The following MSI2 variants were observed in gnomAD, a reference collection of about 807,000 sequenced individuals.
MSI2 encodes musashi RNA binding protein 2.
A neutral mutation model predicts 45.6 loss-of-function variants in MSI2; 17 were observed. The ratio of observed to expected loss-of-function variants is 0.37; its 90% CI spans 0.26 to 0.56. The LOEUF (loss-of-function observed/expected upper bound fraction) is 0.56, where lower values mean the gene tolerates loss of function less well. Among genes scored for constraint, MSI2 ranks in the 20% least tolerant of loss-of-function variants. MSI2 has a pLI of 0.77. For synonymous variants in MSI2, 156 were observed against 158.2 expected (o/e 0.99, Z 0.11); for missense variants, 293 against 444.2 (o/e 0.66, Z 3.06).
intron 6 of MSI2, among the ~76,000 whole-genome samples, chr17:57,442,429 G>T (rs764343623): frequency 6.6e-6 from 1 of 152,220 alleles, no homozygotes; most frequent in African/African-American, 2.4e-5. Context: ...GTTGCTGTAA[G>T]ATTCAGAACT....
At chr17:57,502,632 T>TAG (rs1567862760) in intron 6 of MSI2, among the ~76,000 whole-genome samples, 2 of 127,612 alleles carry the variant, frequency 1.6e-5, no homozygotes, top group African/African-American at 2.9e-5. Context: ...TATATATATA[T>TAG]ATATAGTCAT....
At chr17:57,288,210 C>A (rs1217330626) in intron 5 of MSI2, among the ~76,000 whole-genome samples, 3 of 152,182 alleles carry the variant, frequency 2.0e-5, no homozygotes, top group Non-Finnish European at 4.4e-5. Flanking sequence ...TGGGAACAGA[C>A]AGAACTTTCT....
intron 5 of MSI2, chr17:57,268,141 C>T (rs933348138): frequency 6.6e-6 from 1 of 152,220 alleles, no homozygotes; most frequent in East Asian, 1.9e-4. Context: ...ACATCTGTTG[C>T]ATGTTGTGCT....
At chr17:57,635,037 A>T (rs1042745175) in intron 10 of MSI2, among the ~76,000 whole-genome samples, 1 of 152,224 alleles carries the variant, frequency 6.6e-6, no homozygotes, top group Non-Finnish European at 1.5e-5. Context: ...TGCTCAGATA[A>T]AAATAAAGGA....
chr17:57,262,258 A>T, intron 5 of MSI2, 66 bp downstream of exon 5: 1 of 1,545,712 alleles, frequency 6.5e-7, no homozygotes, highest in South Asian at 1.1e-5. Context: ...TTCAAATTTC[A>T]AACAGCATTG....
At position 57,258,283 on chromosome 17, in the gene MSI2, G is replaced by C. The variant is rs1907003236; in HGVS notation, c.199G>C (p.Val67Leu). The C allele has an allele frequency of 6.2e-7, 1 of 1,613,930 alleles. No individual in the cohort carries two copies. Among genetic ancestry groups the C allele is most frequent in the Non-Finnish European group, 8.5e-7 (1 of 1,180,000 alleles). Residue 67 changes from valine to leucine, a missense_variant, in exon 4 of 14, where the codon GTC becomes CTC. Transcript: ENST00000284073. Reference protein sequence around the residue: ...TTKRSRGFGFVTFADPASVDK... With the variant: ...TTKRSRGFGFLTFADPASVDK... ...GTCTCCTTTCAGAGGCTTCGGTTTC[G>C]TCACGTTCGCAGACCCAGCAAGTGT...
chr17:57,633,140 C>A, intron 10 of MSI2: 2 of 1,022,644 alleles, frequency 2.0e-6, no homozygotes, highest in South Asian at 9.3e-5. Context: ...ATTTTTTTTC[C>A]CCTGTAAGCA....
At chr17:57,675,207 C>T in intron 12 of MSI2, 81 bp downstream of exon 12, 1 of 1,409,596 alleles carries the variant, frequency 7.1e-7, no homozygotes, top group South Asian at 1.3e-5. Flanking sequence ...CCAGGAAAGC[C>T]CAACATCGGG....
At chr17:57,323,460 C>T (rs1913513833) in intron 5 of MSI2, among the ~76,000 whole-genome samples, 1 of 152,226 alleles carries the variant, frequency 6.6e-6, no homozygotes, top group Non-Finnish European at 1.5e-5. Context: ...GCACTTGGGC[C>T]CTCCCAAAGA....
At chr17:57,622,735 T>C (rs1466658761) in intron 9 of MSI2, among the ~76,000 whole-genome samples, 3 of 152,100 alleles carry the variant, frequency 2.0e-5, no homozygotes, top group African/African-American at 7.2e-5. Context: ...AGATTGGAGA[T>C]TGGCTGGAAC....
At chr17:57,686,277 C>A (rs917302339), downstream of MSI2, among the ~76,000 whole-genome samples, 23 of 151,750 alleles carry the variant, frequency 1.5e-4, no homozygotes, top group African/African-American at 5.1e-4. Flanking sequence ...AGCTAGAGAA[C>A]AACAAATTTT....
At chr17:57,403,354 G>A (rs769813317) in intron 6 of MSI2, among the ~76,000 whole-genome samples, 1 of 152,078 alleles carries the variant, frequency 6.6e-6, no homozygotes, top group Non-Finnish European at 1.5e-5. Context: ...TTGTGACCCA[G>A]TATGCCTCCA....
intron 6 of MSI2, among the ~76,000 whole-genome samples, chr17:57,461,961 C>T (rs1269581405): frequency 6.6e-6 from 1 of 152,152 alleles, no homozygotes; most frequent in Non-Finnish European, 1.5e-5. Flanking sequence ...AACAAAGTAC[C>T]ACAAACTGGG....
At chr17:57,594,000 G>T (rs1905065474) in intron 7 of MSI2, among the ~76,000 whole-genome samples, 1 of 152,250 alleles carries the variant, frequency 6.6e-6, no homozygotes, top group Admixed American at 6.5e-5. Context: ...AACGCAGAAG[G>T]AAGAGCGGAA....
At chr17:57,543,433 C>T (rs143037533) in intron 7 of MSI2, among the ~76,000 whole-genome samples, 98 of 152,312 alleles carry the variant, frequency 6.4e-4, no homozygotes, top group Middle Eastern at 3.4e-3. Flanking sequence ...GCTGGGGGGA[C>T]GGCACGCTTT....
intron 6 of MSI2, among the ~76,000 whole-genome samples, chr17:57,503,700 T>A (rs2086165069): frequency 6.6e-6 from 1 of 152,232 alleles, no homozygotes; most frequent in Non-Finnish European, 1.5e-5. Context: ...AAGATGTGGT[T>A]CCTGTTCACA....
intron 6 of MSI2, among the ~76,000 whole-genome samples, chr17:57,505,853 C>T (rs1441577704): frequency 6.6e-6 from 1 of 152,188 alleles, no homozygotes; most frequent in African/African-American, 2.4e-5. Context: ...CTGTAGATTT[C>T]TTTCTCTGGA....
Position 57,577,362 on chromosome 17 carries a change from C to T in MSI2, c.455-19506C>T, listed in dbSNP as rs144034022. 4.5e-4 allele frequency among the ~76,000 whole-genome samples: 68 copies of T among 152,260 alleles called. 1 individual carries two copies. The East Asian group carries it at 4.8e-3, about 11-fold the overall frequency. ...GAGGCAGCAAGATGGGGCCAGGGAC[C>T]ACTTTGCAAACCACTGGTGGGTCCT... On this transcript the variant is annotated intron_variant, in intron 7 of 13. Transcript: ENST00000284073.
intron 10 of MSI2, among the ~76,000 whole-genome samples, chr17:57,635,170 C>A (rs761750363): frequency 5.9e-5 from 9 of 152,218 alleles, no homozygotes; most frequent in Non-Finnish European, 1.0e-4. Flanking sequence ...GCACAGGGAG[C>A]TTGCAGAAGC....
Sources: allele counts gnomAD v4.1 joint callset (sites outside exome capture counted in the v4.1 genomes callset), GRCh38; gene constraint gnomAD v4.1.1; transcripts MANE v1.5; gene names NCBI Gene and HGNC (gene_info 2026-07-23, HGNC 2026-07-21).